ARHGAP31: variants seen among roughly 807,000 people sequenced by gnomAD.
ARHGAP31 encodes Rho GTPase activating protein 31.
Under a neutral mutation model 113.9 loss-of-function variants are expected in ARHGAP31, and 34 were observed. The ratio of observed to expected loss-of-function variants is 0.30; its 90% CI spans 0.23 to 0.40. The LOEUF is 0.40. Ranked by LOEUF, ARHGAP31 falls within the 10% of genes least tolerant of loss-of-function variation. The pLI, the probability that ARHGAP31 is intolerant of heterozygous loss-of-function variation, is 1.00. For missense variants in ARHGAP31, 1,548 were observed against 1,767.1 expected, an observed-to-expected ratio of 0.88 and a Z score of 2.22; for synonymous variants, 650 against 684.8, an observed-to-expected ratio of 0.95 and a Z score of 0.79.
chr3:119,383,969 T>C lies in ARHGAP31; in HGVS notation c.682+743T>C, dbSNP rs187466216. 3.0e-4 allele frequency among the ~76,000 whole-genome samples: 45 copies of C among 152,262 alleles called. No homozygotes were observed. The East Asian group carries it at 8.3e-3, about 28-fold the overall frequency. On this transcript the variant is annotated intron_variant, in intron 6 of 11. Transcript: ENST00000264245. ...AGGTTACTGGACATCATCCCCAGAG[T>C]TTCTGCTTTAATATGTTTGGAGTGT...
In ARHGAP31 at chr3:119,343,197, C is replaced by G. The variant is rs1219679573; in HGVS notation, c.101-22119C>G. 3.3e-5 allele frequency among the ~76,000 whole-genome samples: 5 copies of G among 152,058 alleles called. No homozygotes were observed. The South Asian group carries it at 8.3e-4, about 25-fold the overall frequency. ...CATCCAGGGAGTATTTATTGAGCTC[C>G]TAGTAGGTGCCAGGGGGAACTCTGA... On this transcript the variant is annotated intron_variant, in intron 1 of 11. Coordinates refer to ENST00000264245, the MANE Select transcript of ARHGAP31 (RefSeq NM_020754.4).
At chr3:119,297,933 C>CACAT (rs1322937417) in intron 1 of ARHGAP31, among the ~76,000 whole-genome samples, 1 of 150,964 alleles carries the variant, frequency 6.6e-6, no homozygotes, top group Non-Finnish European at 1.5e-5. Flanking sequence ...CACACACACA[C>CACAT]ACACACACAC....
At chr3:119,352,891 G>GTCTA (rs1185365132) in intron 1 of ARHGAP31, among the ~76,000 whole-genome samples, 3 of 152,144 alleles carry the variant, frequency 2.0e-5, no homozygotes, top group Non-Finnish European at 4.4e-5. Flanking sequence ...CACTGGACTG[G>GTCTA]TCTAGTCAGC....
rs183710662 is a variant in ARHGAP31 at position 119,368,122 on chromosome 3, C to T, written c.204-250C>T. On this transcript the variant is annotated intron_variant, in intron 2 of 11. Coordinates refer to ENST00000264245, the MANE Select transcript of ARHGAP31 (RefSeq NM_020754.4). ...AACCAAGACTGCAGACCTGATGCCA[C>T]GGGTAATCCATTTGTAAATGAGCAT... 4.9e-4 allele frequency among the ~76,000 whole-genome samples: 75 copies of T among 152,248 alleles called. 1 individual carries two copies. Among genetic ancestry groups the T allele is most frequent in the Admixed American group, 3.7e-3 (57 of 15,290 alleles).
intron 1 of ARHGAP31, among the ~76,000 whole-genome samples, chr3:119,336,090 G>A (rs1286622047): frequency 7.9e-5 from 12 of 152,118 alleles, no homozygotes; most frequent in Admixed American, 7.2e-4. Context: ...CAGGAGAATC[G>A]CTTGAACCTG....
chr3:119,329,879 C>T (rs2079876218), intron 1 of ARHGAP31: 1 of 985,342 alleles, frequency 1.0e-6, no homozygotes, highest in Non-Finnish European at 1.2e-6. Context: ...TTGTGTGAGT[C>T]CTCACTGGTG....
chr3:119,414,822 T>C lies in ARHGAP31; in HGVS notation c.2893T>C (p.Trp965Arg). 1.2e-6 allele frequency: 2 copies of C among 1,614,232 alleles called. No homozygotes were observed. Among genetic ancestry groups the C allele is most frequent in the Non-Finnish European group, 1.7e-6 (2 of 1,180,044 alleles). ...LDSKPTVKSQ[W>R]TLEVPSSSSC... ...TAGCAAACCCACGGTTAAAAGCCAG[T>C]GGACTCTCGAGGTTCCCTCCTCCAG... The change falls in exon 12 of 12, where the codon TGG becomes CGG. Residue 965 changes from tryptophan (W) to arginine (R), a missense_variant. Trp to Arg is a moderately radical substitution (Grantham distance 101). Coordinates refer to ENST00000264245, the MANE Select transcript of ARHGAP31 (RefSeq NM_020754.4).
In ARHGAP31 at chr3:119,401,883, A is replaced by C; in HGVS notation, c.1131A>C (p.Ala377=). The C allele has an allele frequency of 6.2e-7, 1 of 1,614,092 alleles. No individual in the cohort carries two copies. Among genetic ancestry groups the C allele is most frequent in the Non-Finnish European group, 8.5e-7 (1 of 1,180,010 alleles). The change falls in exon 10 of 12, where the codon GCA becomes GCC. Residue 377 remains alanine, a synonymous_variant. Transcript: ENST00000264245. ...CCACCGGTGGATTTTTCATTCCAGC[A>C]ACAAAGATGCACTCCACCGGCACCG... The part of the protein sequence containing the change: ...TVTTGGFFIP[A]TKMHSTGTGS...
intron 8 of ARHGAP31, among the ~76,000 whole-genome samples, chr3:119,395,712 C>A (rs1360176503): frequency 6.6e-6 from 1 of 152,160 alleles, no homozygotes; most frequent in Non-Finnish European, 1.5e-5. Context: ...TGGCTTCAGC[C>A]TGGGATCCTG....
In ARHGAP31 at chr3:119,300,830, C is replaced by CA. The variant is rs1180971088; in HGVS notation, c.100+5841dup. 5.3e-3 allele frequency among the ~76,000 whole-genome samples: 468 copies of CA among 88,392 alleles called. 2 individuals are homozygous for CA. The highest frequency in any genetic ancestry group is 0.013 in the African/African-American group (273 of 21,636). 58.0% of individuals were successfully genotyped at this position (88,392 alleles called of 152,430 possible). A position where few individuals can be genotyped will look rare whatever the true frequency, so the allele number is the denominator to read the frequency against. On this transcript the variant is annotated intron_variant, in intron 1 of 11. Transcript: ENST00000264245. ...CGACAGAGCCAGACTGACTCCATCT[C>CA]AAAAAAAAAAAAAAAGAAAGAAAGA...
At chr3:119,307,572 TCTA>T (rs1345862472) in intron 1 of ARHGAP31, among the ~76,000 whole-genome samples, 4 of 152,186 alleles carry the variant, frequency 2.6e-5, no homozygotes, top group Non-Finnish European at 5.9e-5. Context: ...GTTTTAAGAT[TCTA>T]ATCTGTTGAT....
At chr3:119,398,022 T>C (rs1463040996) in intron 8 of ARHGAP31, among the ~76,000 whole-genome samples, 1 of 152,242 alleles carries the variant, frequency 6.6e-6, no homozygotes, top group African/African-American at 2.4e-5. Flanking sequence ...TAGCTGTCAC[T>C]TTGGGAGGCC....
intron 1 of ARHGAP31, among the ~76,000 whole-genome samples, chr3:119,344,164 T>G (rs1259000411): frequency 2.6e-5 from 4 of 152,270 alleles, no homozygotes; most frequent in African/African-American, 9.6e-5. Flanking sequence ...TGTTTTAATC[T>G]ATGTCCCATG....
At chr3:119,408,657 C>A (rs963339121) in intron 10 of ARHGAP31, among the ~76,000 whole-genome samples, 5 of 152,168 alleles carry the variant, frequency 3.3e-5, no homozygotes, top group Admixed American at 2.0e-4. Flanking sequence ...TTCTTTAATA[C>A]CACTGTAAAT....
chr3:119,306,953 T>TATTG (rs936372458), intron 1 of ARHGAP31, among the ~76,000 whole-genome samples: 6 of 151,806 alleles, frequency 4.0e-5, no homozygotes, highest in Non-Finnish European at 5.9e-5. Flanking sequence ...TAAAATTATT[T>TATTG]TAGGAATAGT....
At chr3:119,366,072 C>T (rs556061152) in intron 2 of ARHGAP31, among the ~76,000 whole-genome samples, 3 of 151,834 alleles carry the variant, frequency 2.0e-5, no homozygotes, top group African/African-American at 4.8e-5. Context: ...AACACAGGTA[C>T]GTGTGTGTTT....
At chr3:119,337,496 A>G (rs1409066127) in intron 1 of ARHGAP31, among the ~76,000 whole-genome samples, 2 of 152,192 alleles carry the variant, frequency 1.3e-5, no homozygotes, top group African/African-American at 2.4e-5. Context: ...AGCTTCCACA[A>G]TACTGACGGG....
chr3:119,394,576 G>C (rs542215561), intron 8 of ARHGAP31, among the ~76,000 whole-genome samples: 1 of 152,224 alleles, frequency 6.6e-6, no homozygotes, highest in South Asian at 2.1e-4. Flanking sequence ...GGAGGCAATA[G>C]TTATGAAACC....
At chr3:119,413,391 T>TAAC (rs1403737086) in intron 11 of ARHGAP31, among the ~76,000 whole-genome samples, 1 of 152,054 alleles carries the variant, frequency 6.6e-6, no homozygotes, top group Non-Finnish European at 1.5e-5. Context: ...GGGTAAGACT[T>TAAC]AACATTTTCA....
Sources: allele counts gnomAD v4.1 joint callset (sites outside exome capture counted in the v4.1 genomes callset), GRCh38; gene constraint gnomAD v4.1.1; transcripts MANE v1.5; gene names NCBI Gene and HGNC (gene_info 2026-07-23, HGNC 2026-07-21).